DNER: variants seen among roughly 807,000 people sequenced by gnomAD.
The protein encoded by DNER is delta and Notch-like epidermal growth factor-related receptor.
DNER carries 33 observed loss-of-function variants against 78.2 expected under a neutral mutation model. The observed-to-expected ratio is 0.42, with a 90% CI of 0.32 to 0.56. The LOEUF is 0.56. Ranked by LOEUF, DNER falls within the 20% of genes least tolerant of loss-of-function variation. The probability of loss-of-function intolerance (pLI) is 0.11; values close to 1 mark genes in which losing one functional copy is unlikely to be tolerated. For missense variants in DNER, 918 were observed against 975.3 expected, an observed-to-expected ratio of 0.94 and a Z score of 0.78; for synonymous variants, 417 against 384.8, an observed-to-expected ratio of 1.08 and a Z score of -0.98.
intron 1 of DNER, among the ~76,000 whole-genome samples, chr2:229,623,294 C>G (rs528379872): frequency 1.3e-5 from 2 of 152,232 alleles, no homozygotes; most frequent in South Asian, 4.2e-4. Context: ...TGGTTAAGAA[C>G]CAGTGCTCCT....
At chr2:229,455,342 C>A (rs953045438) in intron 7 of DNER, among the ~76,000 whole-genome samples, 3 of 152,092 alleles carry the variant, frequency 2.0e-5, no homozygotes, top group Admixed American at 1.3e-4. Context: ...GTGTTGGCTC[C>A]TACCATGAAG....
At chr2:229,435,873 G>A (rs536526427) in intron 8 of DNER, among the ~76,000 whole-genome samples, 10 of 152,106 alleles carry the variant, frequency 6.6e-5, no homozygotes, top group Non-Finnish European at 1.0e-4. Flanking sequence ...TAATGATTTT[G>A]GCAATATGTT....
At chr2:229,416,855 T>C (rs2106348542) in intron 9 of DNER, among the ~76,000 whole-genome samples, 1 of 152,252 alleles carries the variant, frequency 6.6e-6, no homozygotes, top group South Asian at 2.1e-4. Context: ...AGATATTGAA[T>C]GTCAATGTGA....
intron 5 of DNER, among the ~76,000 whole-genome samples, chr2:229,530,304 G>A (rs543392092): frequency 4.1e-4 from 63 of 152,156 alleles, no homozygotes; most frequent in Non-Finnish European, 6.0e-4. Flanking sequence ...TGACAGCACT[G>A]ATGTCCTACA....
At chr2:229,523,550 G>A (rs1418636975) in intron 5 of DNER, among the ~76,000 whole-genome samples, 2 of 152,086 alleles carry the variant, frequency 1.3e-5, no homozygotes, top group Non-Finnish European at 2.9e-5. Flanking sequence ...CCTCTTTAAA[G>A]TGACCTCATT....
intron 5 of DNER, among the ~76,000 whole-genome samples, chr2:229,517,597 G>A (rs1269735700): frequency 2.6e-5 from 4 of 152,212 alleles, no homozygotes; most frequent in Admixed American, 1.3e-4. Context: ...AGTGTCGCTA[G>A]AGTATAGCAA....
intron 1 of DNER, among the ~76,000 whole-genome samples, chr2:229,595,872 A>ATG (rs1697703978): frequency 6.6e-6 from 1 of 152,126 alleles, no homozygotes; most frequent in East Asian, 1.9e-4. Context: ...GCCTCTGTCA[A>ATG]TGTCAACTCC....
At chr2:229,411,823 G>C (rs889776637) in intron 9 of DNER, among the ~76,000 whole-genome samples, 1 of 152,102 alleles carries the variant, frequency 6.6e-6, no homozygotes, top group East Asian at 1.9e-4. Flanking sequence ...ATCCTATTAT[G>C]AGTGAGCAGA....
At chr2:229,458,601 A>T (rs1479913420) in intron 7 of DNER, among the ~76,000 whole-genome samples, 1 of 151,578 alleles carries the variant, frequency 6.6e-6, no homozygotes, top group Non-Finnish European at 1.5e-5. Flanking sequence ...TCAGCAAACT[A>T]AAATAGAAGG....
intron 4 of DNER, among the ~76,000 whole-genome samples, chr2:229,556,560 G>A (rs1357473813): frequency 6.6e-6 from 1 of 152,114 alleles, no homozygotes; most frequent in Non-Finnish European, 1.5e-5. Flanking sequence ...TGAATTAAAG[G>A]CAACCTTATG....
chr2:229,505,273 ACCTATGGGAATGGGGGTT>A (rs1695714504), intron 6 of DNER, among the ~76,000 whole-genome samples: 1 of 151,390 alleles, frequency 6.6e-6, no homozygotes, highest in African/African-American at 2.4e-5. Flanking sequence ...AGAGAGAGAA[ACCTATGGGAATGGGGGTT>A]CCTGCAGGGA....
intron 1 of DNER, among the ~76,000 whole-genome samples, chr2:229,712,934 TGTCAAG>T (rs1699931809): frequency 6.6e-6 from 1 of 152,250 alleles, no homozygotes; most frequent in Non-Finnish European, 1.5e-5. Context: ...AAAATCTGGC[TGTCAAG>T]GTCAAGTTTC....
chr2:229,697,431 T>C (rs1399010121), intron 1 of DNER, among the ~76,000 whole-genome samples: 2 of 152,210 alleles, frequency 1.3e-5, no homozygotes, highest in Non-Finnish European at 1.5e-5. Flanking sequence ...ATTATGAACA[T>C]ACAAAATGCC....
intron 4 of DNER, among the ~76,000 whole-genome samples, chr2:229,570,113 T>C (rs1574908249): frequency 6.6e-6 from 1 of 152,174 alleles, no homozygotes; most frequent in African/African-American, 2.4e-5. Flanking sequence ...TGTAAGCAAG[T>C]TGGAGTTGGG....
At chr2:229,452,521 AG>A (rs374940249) in intron 7 of DNER, among the ~76,000 whole-genome samples, 33 of 152,220 alleles carry the variant, frequency 2.2e-4, no homozygotes, top group African/African-American at 8.0e-4. Context: ...CATAACCTGC[AG>A]CCAATTTGAA....
intron 1 of DNER, among the ~76,000 whole-genome samples, chr2:229,626,720 T>C (rs1698351796): frequency 6.6e-6 from 1 of 152,202 alleles, no homozygotes. Context: ...TTTAATTGAG[T>C]CATCCTAAAG....
Position 229,714,253 on chromosome 2 carries a change from A to C in DNER, c.171T>G (p.Gly57=). 2 of 1,409,676 alleles carry C rather than the reference A, an allele frequency of 1.4e-6. No homozygotes were observed. Among genetic ancestry groups the C allele is most frequent in the South Asian group, 3.0e-5 (2 of 67,416 alleles). The allele number at this position is 1,409,676 out of a possible 1,614,324, so 87.3% of individuals were successfully genotyped here. The part of the protein sequence containing the change: ...PCAAQPCRNG[G]VCTSRPEPDP... Reference sequence around the variant, plus strand: ...CCGGCTCAGGGCGCGAGGTGCACACACCCCCATTCCGGCAGGGCTGCGCGG... The same window carrying C: ...CCGGCTCAGGGCGCGAGGTGCACACCCCCCCATTCCGGCAGGGCTGCGCGG... The change falls in exon 1 of 13, where the codon GGT becomes GGG. Residue 57 remains glycine, a synonymous_variant. Transcript: ENST00000341772.
rs10600729 is a variant in DNER at position 229,363,985 on chromosome 2, CTT to C, written c.2102+2886_2102+2887del. ...ACCAAAGAAACTTGTCAATTCTCTGCTTTTTTTTTTTTTTTTTTTTTTTTTTT... is the reference window on the plus strand; with the variant it reads ...ACCAAAGAAACTTGTCAATTCTCTGCTTTTTTTTTTTTTTTTTTTTTTTTT... On this transcript the variant is annotated intron_variant, in intron 12 of 12. Coordinates refer to ENST00000341772, the MANE Select transcript of DNER (RefSeq NM_139072.4). 5.3e-3 allele frequency among the ~76,000 whole-genome samples: 409 copies of C among 77,764 alleles called. 2 individuals carry two copies. The highest frequency in any genetic ancestry group is 0.021 in the African/African-American group (399 of 19,190). 51.0% of individuals were successfully genotyped at this position (77,764 alleles called of 152,430 possible).
chr2:229,469,509 C>A (rs910036382), intron 7 of DNER, among the ~76,000 whole-genome samples: 15 of 152,078 alleles, frequency 9.9e-5, no homozygotes, highest in Non-Finnish European at 1.6e-4. Context: ...TACCCTCGCT[C>A]GATAGATGGG....
Sources: allele counts gnomAD v4.1 joint callset (sites outside exome capture counted in the v4.1 genomes callset), GRCh38; gene constraint gnomAD v4.1.1; transcripts MANE v1.5; gene names NCBI Gene and HGNC (gene_info 2026-07-23, HGNC 2026-07-21).